Variants in SPOCK3 observed in about 807,000 individuals in gnomAD.
SPOCK3 encodes SPARC (osteonectin), cwcv and kazal like domains proteoglycan 3, also known as testican-3.
In SPOCK3, 30 loss-of-function variants were observed where a neutral mutation model predicts 56.6. The ratio of observed to expected loss-of-function variants is 0.53; its 90% CI spans 0.40 to 0.72. The LOEUF is 0.72. Ranked by LOEUF, SPOCK3 falls within the 30% of genes least tolerant of loss-of-function variation. The pLI is 0.00. For missense variants in SPOCK3, 527 were observed against 530.0 expected, an observed-to-expected ratio of 0.99 and a Z score of 0.06; for synonymous variants, 196 against 183.3, an observed-to-expected ratio of 1.07 and a Z score of -0.56.
At chr4:166,945,751 C>T (rs1409598099) in intron 4 of SPOCK3, among the ~76,000 whole-genome samples, 1 of 152,210 alleles carries the variant, frequency 6.6e-6, no homozygotes, top group East Asian at 1.9e-4. Flanking sequence ...AGTAGGAGTT[C>T]CTGGGTAAAC....
chr4:166,733,569 A>G lies in SPOCK3; in HGVS notation c.*1352T>C, dbSNP rs925676770. 3 of 151,888 alleles carry G rather than the reference A, an allele frequency of 2.0e-5. No individual in the cohort carries two copies. The highest frequency in any genetic ancestry group is 4.8e-5 in the African/African-American group (2 of 41,436). The allele number at this position is 151,888 out of a possible 1,614,324, so 9.4% of individuals were successfully genotyped here. A position where few individuals can be genotyped will look rare whatever the true frequency, so the allele number is the denominator to read the frequency against. On this transcript the variant is annotated 3_prime_UTR_variant, in exon 11 of 11. Coordinates refer to ENST00000357545, the MANE Select transcript of SPOCK3 (RefSeq NM_001040159.2). ...GGAAACCAGTTTACCCACTGTTGAA[A>G]TTAAAGATACCAATACGTAACATTC... is the stretch of plus-strand genomic sequence containing the variant.
At position 166,733,745 on chromosome 4, in the gene SPOCK3, C is replaced by G. The variant is rs925603893; in HGVS notation, c.*1176G>C. The G allele has an allele frequency of 2.0e-5, 3 of 152,232 alleles. No homozygotes were observed. The highest frequency in any genetic ancestry group is 4.4e-5 in the Non-Finnish European group (3 of 67,772). 9.4% of individuals were successfully genotyped at this position (152,232 alleles called of 1,614,324 possible). ...TTTTGCTACAGTTAAATCTTAAATG[C>G]TACTCTACACAATAATCATAAACAA... On this transcript the variant is annotated 3_prime_UTR_variant, in exon 11 of 11. Coordinates refer to ENST00000357545, the MANE Select transcript of SPOCK3 (RefSeq NM_001040159.2).
At chr4:167,025,302 C>T (rs922847991) in intron 3 of SPOCK3, among the ~76,000 whole-genome samples, 1 of 151,560 alleles carries the variant, frequency 6.6e-6, no homozygotes, top group Non-Finnish European at 1.5e-5. Flanking sequence ...CCCCATTAAC[C>T]AGCAGGCCAA....
intron 2 of SPOCK3, among the ~76,000 whole-genome samples, chr4:167,100,173 G>A (rs1478635885): frequency 6.6e-6 from 1 of 151,968 alleles, no homozygotes; most frequent in East Asian, 1.9e-4. Flanking sequence ...AAGCAACCAA[G>A]GTGTAATTTG....
chr4:166,845,215 A>T (rs985629935), intron 6 of SPOCK3, among the ~76,000 whole-genome samples: 1 of 152,214 alleles, frequency 6.6e-6, no homozygotes, highest in Non-Finnish European at 1.5e-5. Context: ...ATATTTTATA[A>T]TTCTAAAATG....
At chr4:166,738,889 T>G (rs188627338) in intron 9 of SPOCK3, among the ~76,000 whole-genome samples, 107 of 152,188 alleles carry the variant, frequency 7.0e-4, no homozygotes, top group African/African-American at 2.3e-3. Context: ...TTTGGGTTGG[T>G]TCCAAGTCTT....
intron 2 of SPOCK3, 92 bp from the exon 3 acceptor site, chr4:167,062,629 G>A: frequency 1.0e-6 from 1 of 956,672 alleles, no homozygotes; most frequent in Non-Finnish European, 1.6e-6. Context: ...AAACACAGAA[G>A]CTGTATACAA....
chr4:166,886,845 A>C (rs1734248301), intron 6 of SPOCK3, among the ~76,000 whole-genome samples: 1 of 152,062 alleles, frequency 6.6e-6, no homozygotes, highest in Non-Finnish European at 1.5e-5. Context: ...ATGATACTAA[A>C]CTCAGTTTTA....
chr4:166,873,215 A>C (rs1056381477), intron 6 of SPOCK3, among the ~76,000 whole-genome samples: 4 of 152,056 alleles, frequency 2.6e-5, no homozygotes, highest in African/African-American at 9.7e-5. Flanking sequence ...GTTAAAAAAA[A>C]AAAAAAACAT....
In SPOCK3 at chr4:166,928,329, C is replaced by A. The variant is rs183713906; in HGVS notation, c.351-15586G>T. Among the ~76,000 whole-genome samples the A allele has an allele frequency of 1.8e-3, 270 of 152,310 alleles. 1 individual carries two copies. Among genetic ancestry groups the A allele is most frequent in the Non-Finnish European group, 3.2e-3 (218 of 68,032 alleles). On this transcript the variant is annotated intron_variant, in intron 4 of 10. Transcript: ENST00000357545. ...TCCAAAAACTTGGAAGCAAGCAACA[C>A]GTCCTTCAGTAAGTGATTGAATAAA...
intron 3 of SPOCK3, among the ~76,000 whole-genome samples, chr4:167,008,518 T>G (rs1405394853): frequency 6.6e-6 from 1 of 152,182 alleles, no homozygotes; most frequent in Non-Finnish European, 1.5e-5. Context: ...TAAGAAATTC[T>G]TTCTTCAAAA....
chr4:167,185,870 C>G (rs1251585545), intron 2 of SPOCK3, among the ~76,000 whole-genome samples: 1 of 152,128 alleles, frequency 6.6e-6, no homozygotes, highest in African/African-American at 2.4e-5. Flanking sequence ...CACCCTTATC[C>G]CAGATTCTGA....
At chr4:166,968,229 A>T (rs1744962365) in intron 4 of SPOCK3, among the ~76,000 whole-genome samples, 2 of 152,220 alleles carry the variant, frequency 1.3e-5, no homozygotes, top group Admixed American at 1.3e-4. Flanking sequence ...GAAAATTTGC[A>T]GCCTGAACAT....
intron 2 of SPOCK3, among the ~76,000 whole-genome samples, chr4:167,206,331 T>TA (rs534395941): frequency 8.0e-5 from 12 of 150,092 alleles, no homozygotes; most frequent in South Asian, 2.1e-4. Flanking sequence ...TCTTGAAAAA[T>TA]AAAAAAAAAT....
At chr4:167,056,465 G>A (rs866853706) in intron 3 of SPOCK3, among the ~76,000 whole-genome samples, 30 of 152,294 alleles carry the variant, frequency 2.0e-4, no homozygotes, top group Admixed American at 6.5e-5. Context: ...AGAGAAGAAG[G>A]CTTCAGACGA....
chr4:166,987,963 C>T (rs144320119), intron 4 of SPOCK3, among the ~76,000 whole-genome samples: 147 of 152,192 alleles, frequency 9.7e-4, no homozygotes, highest in African/African-American at 3.3e-3. Context: ...ATTTTCTCCT[C>T]CTATGTTGTA....
chr4:166,882,034 T>A (rs903974119), intron 6 of SPOCK3, among the ~76,000 whole-genome samples: 2 of 152,180 alleles, frequency 1.3e-5, no homozygotes, highest in African/African-American at 4.8e-5. Context: ...GACAGCCATG[T>A]GCATTATAGA....
At chr4:166,998,268 C>A (rs954508163) in intron 4 of SPOCK3, among the ~76,000 whole-genome samples, 2 of 151,920 alleles carry the variant, frequency 1.3e-5, no homozygotes, top group Non-Finnish European at 2.9e-5. Context: ...TGAAATTCAC[C>A]CACTAAAAGC....
chr4:167,202,265 TAGC>T (rs924202119), intron 2 of SPOCK3, among the ~76,000 whole-genome samples: 1 of 151,970 alleles, frequency 6.6e-6, no homozygotes, highest in Non-Finnish European at 1.5e-5. Context: ...AGCAGTCTCA[TAGC>T]AGCAACTGCA....
Sources: gnomAD v4.1 joint callset for allele counts (sites outside exome capture counted in the v4.1 genomes callset) on GRCh38, gnomAD v4.1.1 for gene constraint, MANE v1.5 for transcripts, NCBI Gene and HGNC (gene_info 2026-07-23, HGNC 2026-07-21) for gene names.